The following ITGAE variants were observed in gnomAD, a reference collection of about 807,000 sequenced individuals.
ITGAE encodes integrin alpha-E.
In ITGAE, 99 loss-of-function variants were observed where a neutral mutation model predicts 136.5. That is an observed-to-expected ratio of 0.73 (90% CI 0.62 to 0.86). ITGAE has a LOEUF of 0.86. Ranked by LOEUF, ITGAE falls within the 40% of genes least tolerant of loss-of-function variation. The pLI is 0.00. For synonymous variants in ITGAE, 613 were observed against 591.8 expected (o/e 1.04, Z -0.52); for missense variants, 1,447 against 1,515.3 (o/e 0.95, Z 0.75).
At chr17:3,762,588 G>GA (rs1597344710) in intron 3 of ITGAE, among the ~76,000 whole-genome samples, 1 of 145,666 alleles carries the variant, frequency 6.9e-6, no homozygotes, top group Non-Finnish European at 1.5e-5. Flanking sequence ...CTCAGACAAG[G>GA]ATTTTTTTTT....
intron 1 of ITGAE, among the ~76,000 whole-genome samples, chr17:3,796,207 C>G (rs2053099647): frequency 1.1e-5 from 1 of 89,290 alleles, no homozygotes; most frequent in Non-Finnish European, 2.5e-5. Flanking sequence ...GGGTAGTTCG[C>G]TGTATTTGCT....
chr17:3,724,473 C>A lies in ITGAE; in HGVS notation c.3085-729G>T, dbSNP rs1321595963. On this transcript the variant is annotated intron_variant, in intron 26 of 30. Coordinates refer to ENST00000263087, the MANE Select transcript of ITGAE (RefSeq NM_002208.5). ...TCTGGCCTCGCCCTGCCCCGGGTCC[C>A]CAACGCCAAGGGACAGTGTCATCTC... 1 of 1,613,902 alleles carries A rather than the reference C, an allele frequency of 6.2e-7. No individual in the cohort carries two copies. Among genetic ancestry groups the A allele is most frequent in the African/African-American group, 1.3e-5 (1 of 75,048 alleles).
At chr17:3,716,604 T>C (rs2050947893) in intron 30 of ITGAE, 84 bp downstream of exon 30, 1 of 803,974 alleles carries the variant, frequency 1.2e-6, no homozygotes, top group Non-Finnish European at 2.1e-6. Flanking sequence ...CTGCTCTAAG[T>C]CAGAGGTTGG....
rs897463376 is a variant in ITGAE, at chr17:3,799,241, C to A, written c.34+1870G>T. 6.6e-6 allele frequency among the ~76,000 whole-genome samples: 1 copy of A among 152,184 alleles called. No homozygotes were observed. The highest frequency in any genetic ancestry group is 2.4e-5 in the African/African-American group (1 of 41,452). ...GGCCCATCCTAGTCTCAGGACCTCA[C>A]AGCATGGAGCAGAACTGCAGCAGCC... is the stretch of plus-strand genomic sequence containing the variant. On this transcript the variant is annotated intron_variant, in intron 1 of 30. Coordinates refer to ENST00000263087, the MANE Select transcript of ITGAE (RefSeq NM_002208.5). The surrounding 1 kb of genome is among the most constrained non-coding windows in gnomAD (Gnocchi z 4.1).
chr17:3,740,105 G>A (rs1213948072), intron 19 of ITGAE, among the ~76,000 whole-genome samples: 1 of 152,224 alleles, frequency 6.6e-6, no homozygotes, highest in East Asian at 1.9e-4. Flanking sequence ...GGCACACTGT[G>A]ACCCAGTCCT....
In ITGAE at chr17:3,743,668, A is replaced by G. The variant is rs145874568; in HGVS notation, c.2320-51T>C. Reference sequence around the variant, plus strand: ...GTTAGAGTTGGATGTGGGGGAGAAGATGACAACAATAATGCTTTTTTTCTT... The same window carrying G: ...GTTAGAGTTGGATGTGGGGGAGAAGGTGACAACAATAATGCTTTTTTTCTT... On this transcript the variant is annotated intron_variant, in intron 18 of 30. Coordinates refer to ENST00000263087, the MANE Select transcript of ITGAE (RefSeq NM_002208.5). The G allele has an allele frequency of 4.7e-5, 70 of 1,501,342 alleles. 2 individuals carry two copies. The African/African-American group carries it at 9.4e-4, about 20-fold the overall frequency. The allele number at this position is 1,501,342 out of a possible 1,614,324, so 93.0% of individuals were successfully genotyped here.
At position 3,727,963 on chromosome 17, in the gene ITGAE, G is replaced by C. The variant is rs1567515189; in HGVS notation, c.3040C>G (p.Arg1014Gly). Residue 1014 changes from arginine to glycine, a missense_variant, in exon 26 of 31, where the codon CGA becomes GGA. Arg to Gly is a moderately radical substitution (Grantham distance 125, BLOSUM62 -2). Coordinates refer to ENST00000263087, the MANE Select transcript of ITGAE (RefSeq NM_002208.5). ...TTCACTGCTACAACCTGGAGACCTC[G>C]TAATTTGGTTGGGACGCAAATTTGC... The part of the protein sequence containing the change: ...QLQICVPTKL[R>G]GLQVVAVKKL... 6.2e-7 allele frequency: 1 copy of C among 1,613,928 alleles called. No individual in the cohort carries two copies.
At position 3,785,579 on chromosome 17, in the gene ITGAE, G is replaced by A. The variant is rs114663184; in HGVS notation, c.35-7919C>T. Among the ~76,000 whole-genome samples, 675 of 151,474 alleles carry A rather than the reference G, an allele frequency of 4.5e-3. 8 individuals are homozygous for A. Among genetic ancestry groups the A allele is most frequent in the African/African-American group, 0.016 (660 of 41,284 alleles). ...GGAAAACTAGAAAAATCTGAACCTC[G>A]TGAAAATTAAGCAATGCATTTCTAA... On this transcript the variant is annotated intron_variant, in intron 1 of 30. Coordinates refer to ENST00000263087, the MANE Select transcript of ITGAE (RefSeq NM_002208.5).
intron 20 of ITGAE, among the ~76,000 whole-genome samples, chr17:3,738,583 G>A (rs370686650): frequency 2.6e-5 from 4 of 152,214 alleles, no homozygotes; most frequent in East Asian, 1.9e-4. Flanking sequence ...GGAGACAGGC[G>A]GTATCTGCGC....
intron 8 of ITGAE, among the ~76,000 whole-genome samples, chr17:3,758,980 C>A (rs546262684): frequency 6.6e-6 from 1 of 151,846 alleles, no homozygotes; most frequent in Non-Finnish European, 1.5e-5. Context: ...AAAAAATTAA[C>A]TGGGCGTGGT....
chr17:3,756,593 CAG>C (rs912719836), intron 10 of ITGAE, among the ~76,000 whole-genome samples: 1 of 152,034 alleles, frequency 6.6e-6, no homozygotes, highest in African/African-American at 2.4e-5. Context: ...TTAGTAGAAA[CAG>C]GATTTCACCA....
chr17:3,751,941 G>T (rs1031418627), intron 14 of ITGAE, 67 bp from the exon 15 acceptor site: 19 of 1,346,122 alleles, frequency 1.4e-5, no homozygotes, highest in Non-Finnish European at 2.0e-5. Flanking sequence ...TTGCCACCCC[G>T]ATGCACGCTC....
At chr17:3,782,840 G>A (rs951203635) in intron 1 of ITGAE, among the ~76,000 whole-genome samples, 1 of 152,066 alleles carries the variant, frequency 6.6e-6, no homozygotes, top group Non-Finnish European at 1.5e-5. Context: ...GAGTAAACAC[G>A]ATATAAGGAA....
At chr17:3,794,318 C>CTATGT (rs2053011915) in intron 1 of ITGAE, among the ~76,000 whole-genome samples, 1 of 151,812 alleles carries the variant, frequency 6.6e-6, no homozygotes, top group Non-Finnish European at 1.5e-5. Flanking sequence ...GGGGGTCTTG[C>CTATGT]TATGTTGTCC....
chr17:3,732,019 T>C (rs2051354851), intron 22 of ITGAE, among the ~76,000 whole-genome samples: 2 of 152,220 alleles, frequency 1.3e-5, no homozygotes, highest in South Asian at 4.2e-4. Flanking sequence ...GAGGTTGCAG[T>C]GAGCTGAGAC....
Position 3,755,273 on chromosome 17 carries a change from G to A in ITGAE, c.1240-12C>T. On this transcript the variant is annotated splice_polypyrimidine_tract_variant and intron_variant, in intron 11 of 30. Transcript: ENST00000263087. ...AGCAGCACCTGCCGCTGAAGGGGAC[G>A]GGGATGGGGCCCAGATGAGTGGGAG... is the stretch of plus-strand genomic sequence containing the variant. The A allele has an allele frequency of 1.3e-6, 2 of 1,566,074 alleles. No homozygotes were observed. The highest frequency in any genetic ancestry group is 1.7e-6 in the Non-Finnish European group (2 of 1,162,552).
intron 2 of ITGAE, among the ~76,000 whole-genome samples, chr17:3,765,392 G>C (rs1397508073): frequency 6.6e-6 from 1 of 151,584 alleles, no homozygotes; most frequent in Non-Finnish European, 1.5e-5. Context: ...GGCTACAGTG[G>C]GTTGGGACAG....
intron 3 of ITGAE, 148 bp from the exon 4 acceptor site, chr17:3,762,130 G>T (rs1484191528): frequency 1.5e-6 from 1 of 663,232 alleles, no homozygotes; most frequent in Non-Finnish European, 2.6e-6. Flanking sequence ...AGCTAGAGCG[G>T]GGGCCTTCAA....
rs34843140 is a variant in ITGAE at position 3,743,705 on chromosome 17, CTTTTTTTT to C, written c.2320-96_2320-89del. ...ATGCTTTTTTTCTTTTTCTTTTTTT[CTTTTTTTT>C]TTTTTTTGAGATGGAGTCTTGCTCT... On this transcript the variant is annotated intron_variant, in intron 18 of 30. Coordinates refer to ENST00000263087, the MANE Select transcript of ITGAE (RefSeq NM_002208.5). 1.1e-5 allele frequency: 10 copies of C among 935,030 alleles called. No homozygotes were observed. The South Asian group carries it at 1.3e-4, about 13-fold the overall frequency. 57.9% of individuals were successfully genotyped at this position (935,030 alleles called of 1,614,324 possible).
Sources: gnomAD v4.1 joint callset for allele counts (sites outside exome capture counted in the v4.1 genomes callset) on GRCh38, gnomAD v4.1.1 for gene constraint, Gnocchi (gnomAD v3.1) non-coding constraint, MANE v1.5 for transcripts, NCBI Gene and HGNC (gene_info 2026-07-23, HGNC 2026-07-21) for gene names.